The following WRAP73 variants were observed in gnomAD, a reference collection of about 807,000 sequenced individuals.
WRAP73 encodes WD repeat-containing protein WRAP73.
Under a neutral mutation model 59.6 loss-of-function variants are expected in WRAP73, and 55 were observed. The observed-to-expected ratio is 0.92, with a 90% CI of 0.74 to 1.15. The LOEUF is 1.15. Among genes scored for constraint, WRAP73 ranks in the 50% most tolerant of loss-of-function variants. The pLI is 0.00. For synonymous variants in WRAP73, 265 were observed against 258.2 expected (o/e 1.03, Z -0.25); for missense variants, 592 against 608.1 (o/e 0.97, Z 0.28).
intron 1 of WRAP73, among the ~76,000 whole-genome samples, chr1:3,649,460 A>C (rs1644719146): frequency 6.6e-6 from 1 of 152,236 alleles, no homozygotes; most frequent in Non-Finnish European, 1.5e-5. Flanking sequence ...AAGTAACAAC[A>C]AAGAGCCGAC....
At position 3,647,527 on chromosome 1, in the gene WRAP73, C is replaced by T; in HGVS notation, c.103G>A (p.Asp35Asn). The change falls in exon 2 of 12, where the codon GAT (aspartate) becomes AAT (asparagine). Residue 35 changes from aspartate to asparagine, a missense_variant. Asp to Asn is a conservative substitution (Grantham distance 23). Coordinates refer to ENST00000270708, the MANE Select transcript of WRAP73 (RefSeq NM_017818.4). The stretch of plus-strand genomic sequence containing the variant: ...TGAAGGATCTGAAGGGTGTTCACAT[C>T]CCGGACCACTAACCGGTACTGGACA... ...SCVQYRLVVRDVNTLQILQLY... is the reference protein window; with the variant it reads ...SCVQYRLVVRNVNTLQILQLY... 6.2e-7 allele frequency: 1 copy of T among 1,613,854 alleles called. No individual in the cohort carries two copies. The highest frequency in any genetic ancestry group is 8.5e-7 in the Non-Finnish European group (1 of 1,179,906).
chr1:3,649,463 G>A (rs1329824647), intron 1 of WRAP73, among the ~76,000 whole-genome samples: 1 of 152,198 alleles, frequency 6.6e-6, no homozygotes, highest in East Asian at 1.9e-4. Context: ...TAACAACAAA[G>A]AGCCGACATC....
intron 3 of WRAP73, among the ~76,000 whole-genome samples, chr1:3,640,877 TC>T (rs1644637367): frequency 6.6e-6 from 1 of 152,158 alleles, no homozygotes; most frequent in East Asian, 1.9e-4. Context: ...AAAGCACATC[TC>T]CCACCTGTGG....
intron 3 of WRAP73, among the ~76,000 whole-genome samples, chr1:3,642,798 G>A (rs1644658614): frequency 6.6e-6 from 1 of 151,020 alleles, no homozygotes; most frequent in Admixed American, 6.6e-5. Flanking sequence ...ACCCCACAGT[G>A]TGCCCCACTA....
intron 8 of WRAP73, 181 bp from the exon 9 acceptor site, chr1:3,633,684 G>A (rs1644562038): frequency 1.8e-6 from 1 of 570,508 alleles, no homozygotes; most frequent in Non-Finnish European, 3.1e-6. Flanking sequence ...AGATCACCCA[G>A]CCACCCTCTC....
At chr1:3,645,253 A>C (rs1335704803) in intron 3 of WRAP73, among the ~76,000 whole-genome samples, 1 of 152,248 alleles carries the variant, frequency 6.6e-6, no homozygotes, top group African/African-American at 2.4e-5. Flanking sequence ...GAGCATCTGC[A>C]GCCACACGCT....
chr1:3,641,543 T>C (rs973626145), intron 3 of WRAP73, among the ~76,000 whole-genome samples: 2 of 152,134 alleles, frequency 1.3e-5, no homozygotes, highest in Non-Finnish European at 1.5e-5. Flanking sequence ...GGATTCCGAG[T>C]AGGCAGTGCT....
At chr1:3,635,819 T>C (rs956602189) in intron 6 of WRAP73, 125 bp downstream of exon 6, 1 of 861,606 alleles carries the variant, frequency 1.2e-6, no homozygotes. Flanking sequence ...AGACCCTGTC[T>C]TTTAAAACAA....
rs1644705156 is a variant in WRAP73 at position 3,647,704 on chromosome 1, G to A, written c.70-144C>T. 11 of 838,332 alleles carry A rather than the reference G, an allele frequency of 1.3e-5. No individual in the cohort carries two copies. In the East Asian group the frequency reaches 3.0e-4, roughly 23 times the overall value. The allele number at this position is 838,332 out of a possible 1,614,324, so 51.9% of individuals were successfully genotyped here. A position where few individuals can be genotyped will look rare whatever the true frequency, so the allele number is the denominator to read the frequency against. The stretch of plus-strand genomic sequence containing the variant: ...GTCTAGATCACCAGTGACATCCCCA[G>A]CCCCTAAAGATCAGTTCAGTTCATA... On this transcript the variant is annotated intron_variant, in intron 1 of 11. Transcript: ENST00000270708.
intron 3 of WRAP73, among the ~76,000 whole-genome samples, chr1:3,643,588 G>A (rs998517666): frequency 2.1e-5 from 3 of 140,052 alleles, no homozygotes; most frequent in East Asian, 3.1e-4. Flanking sequence ...ATGGGGTCGC[G>A]CCTTCGGAAG....
intron 10 of WRAP73, chr1:3,631,928 AAC>A: frequency 7.2e-7 from 1 of 1,389,372 alleles, no homozygotes; most frequent in Non-Finnish European, 9.3e-7. Flanking sequence ...AGAAACCCTT[AAC>A]AAAAGGCGGG....
At chr1:3,648,478 C>G (rs930345376) in intron 1 of WRAP73, among the ~76,000 whole-genome samples, 5 of 152,192 alleles carry the variant, frequency 3.3e-5, no homozygotes, top group African/African-American at 1.2e-4. Context: ...TACCACAGCA[C>G]TTACTTTCTC....
chr1:3,630,830 T>G lies in WRAP73; in HGVS notation c.*145A>C. 9.5e-7 allele frequency: 1 copy of G among 1,056,742 alleles called. No individual in the cohort carries two copies. Among genetic ancestry groups the G allele is most frequent in the South Asian group, 1.6e-5 (1 of 63,222 alleles). The allele number at this position is 1,056,742 out of a possible 1,614,324, so 65.5% of individuals were successfully genotyped here. A position where few individuals can be genotyped will look rare whatever the true frequency, so the allele number is the denominator to read the frequency against. On this transcript the variant is annotated 3_prime_UTR_variant, in exon 12 of 12. Coordinates refer to ENST00000270708, the MANE Select transcript of WRAP73 (RefSeq NM_017818.4). ...AAACTACAGTTTTATACCATACATA[T>G]TTACAAAAATGCTTTGCTATAGAAA...
Position 3,638,945 on chromosome 1 carries a change from G to A in WRAP73, c.340-123C>T, listed in dbSNP as rs1039747759. ...CTGACTGCTGGAGTGGATCTATCAG[G>A]ACCTGGGGGATGCCTGCCCTCCTAC... On this transcript the variant is annotated intron_variant, in intron 3 of 11. Transcript: ENST00000270708. The A allele has an allele frequency of 1.2e-5, 12 of 966,644 alleles. 1 individual carries two copies. Among genetic ancestry groups the A allele is most frequent in the Non-Finnish European group, 3.1e-6 (2 of 635,204 alleles). The allele number at this position is 966,644 out of a possible 1,614,324, so 59.9% of individuals were successfully genotyped here. A position where few individuals can be genotyped will look rare whatever the true frequency, so the allele number is the denominator to read the frequency against.
intron 9 of WRAP73, 26 bp from the exon 10 acceptor site, chr1:3,632,364 C>A (rs1644544468): frequency 6.2e-7 from 1 of 1,614,010 alleles, no homozygotes; most frequent in Non-Finnish European, 8.5e-7. Context: ...GAAGAACACG[C>A]CATTGTCACC....
chr1:3,633,761 CG>C lies in WRAP73; in HGVS notation c.817-259del, dbSNP rs1456717577. 3 of 437,862 alleles carry C rather than the reference CG, an allele frequency of 6.9e-6. No individual in the cohort carries two copies. The East Asian group carries it at 1.2e-4, about 18-fold the overall frequency. 27.1% of individuals were successfully genotyped at this position (437,862 alleles called of 1,614,324 possible). A position where few individuals can be genotyped will look rare whatever the true frequency, so the allele number is the denominator to read the frequency against. On this transcript the variant is annotated intron_variant, in intron 8 of 11. Transcript: ENST00000270708. ...CAAATGTGTGCCCTGTGATTACAGA[CG>C]GGAGACCACTGCAGCCACCATCATC...
Position 3,633,411 on chromosome 1 carries a change from G to T in WRAP73, c.909C>A (p.Ser303Arg). Reference protein sequence around the residue: ...PPRAGAGPLPSSESKYEIASV... With the variant: ...PPRAGAGPLPRSESKYEIASV... ...TGTGCTACTTACATTTACTCTCTGA[G>T]CTCGGGAGAGGGCCGGCCCCGGCCC... Residue 303 changes from serine (S) to arginine (R), a missense_variant, in exon 9 of 12, where the codon AGC becomes AGA. Ser to Arg is a moderately radical substitution (Grantham distance 110, BLOSUM62 -1). Transcript: ENST00000270708. 1 of 1,612,820 alleles carries T rather than the reference G, an allele frequency of 6.2e-7. No homozygotes were observed. The highest frequency in any genetic ancestry group is 8.5e-7 in the Non-Finnish European group (1 of 1,179,884).
chr1:3,632,005 C>T (rs921002291), intron 10 of WRAP73: 3 of 1,449,166 alleles, frequency 2.1e-6, no homozygotes, highest in Middle Eastern at 2.6e-4. Flanking sequence ...GTGGAGGCCT[C>T]CTGACTCATG....
chr1:3,635,375 A>C, intron 6 of WRAP73, 81 bp from the exon 7 acceptor site: 1 of 1,575,896 alleles, frequency 6.3e-7, no homozygotes, highest in East Asian at 2.2e-5. Flanking sequence ...CTGCAGAGTG[A>C]CATTGGTGCA....
Sources: allele counts gnomAD v4.1 joint callset (sites outside exome capture counted in the v4.1 genomes callset), GRCh38; gene constraint gnomAD v4.1.1; transcripts MANE v1.5; gene names NCBI Gene and HGNC (gene_info 2026-07-23, HGNC 2026-07-21).